The following TLL1 variants were observed in gnomAD, a reference collection of about 807,000 sequenced individuals.
The protein encoded by TLL1 is tolloid-like protein 1.
TLL1 carries 49 observed loss-of-function variants against 128.2 expected under a neutral mutation model. The ratio of observed to expected loss-of-function variants is 0.38; its 90% CI spans 0.30 to 0.48. The LOEUF (loss-of-function observed/expected upper bound fraction) is 0.48. Ranked by LOEUF, TLL1 falls within the 20% of genes least tolerant of loss-of-function variation. TLL1 has a pLI of 0.96. For synonymous variants in TLL1, 454 were observed against 418.8 expected (o/e 1.08, Z -1.03); for missense variants, 1,123 against 1,242.0 (o/e 0.90, Z 1.44).
intron 1 of TLL1, among the ~76,000 whole-genome samples, chr4:165,944,729 G>A (rs1296901216): frequency 1.3e-5 from 2 of 152,026 alleles, no homozygotes; most frequent in Non-Finnish European, 2.9e-5. Flanking sequence ...TCTTGTGGTG[G>A]TGGTTAGTGG....
At chr4:165,951,631 C>T (rs74810514) in intron 1 of TLL1, among the ~76,000 whole-genome samples, 3,179 of 152,198 alleles carry the variant, frequency 0.021, 54 homozygotes, top group Middle Eastern at 0.071. Context: ...ACCCTAATGA[C>T]ATAGTACTTA....
chr4:165,975,364 A>G (rs1244319305), intron 1 of TLL1, among the ~76,000 whole-genome samples: 1 of 152,056 alleles, frequency 6.6e-6, no homozygotes. Context: ...CCATATTTAT[A>G]GGGGCAGTAG....
chr4:165,940,764 G>A (rs752865902), intron 1 of TLL1, among the ~76,000 whole-genome samples: 3 of 151,662 alleles, frequency 2.0e-5, no homozygotes, highest in African/African-American at 7.3e-5. Context: ...TCCTTATACC[G>A]TCAATTTTAT....
intron 18 of TLL1, among the ~76,000 whole-genome samples, chr4:166,084,363 T>C (rs1251822846): frequency 6.6e-6 from 1 of 152,146 alleles, no homozygotes; most frequent in African/African-American, 2.4e-5. Context: ...TTGCTCCCTT[T>C]CCTGTACAGA....
At chr4:166,094,932 C>G (rs920856572) in intron 19 of TLL1, among the ~76,000 whole-genome samples, 1 of 152,070 alleles carries the variant, frequency 6.6e-6, no homozygotes, top group East Asian at 1.9e-4. Flanking sequence ...GGAATCCTGC[C>G]TATTGACAGC....
At chr4:165,931,718 C>CAAAA (rs761214388) in intron 1 of TLL1, among the ~76,000 whole-genome samples, 1 of 133,484 alleles carries the variant, frequency 7.5e-6, no homozygotes, top group Non-Finnish European at 1.6e-5. Context: ...GACTCTGTCT[C>CAAAA]AAAAGAAAAA....
chr4:166,089,702 A>T (rs1741674405), intron 18 of TLL1, among the ~76,000 whole-genome samples: 1 of 152,110 alleles, frequency 6.6e-6, no homozygotes, highest in African/African-American at 2.4e-5. Context: ...TGATCAAATG[A>T]AGTAAGCCTT....
At chr4:165,974,158 T>TTTTTTTTTA in intron 1 of TLL1, among the ~76,000 whole-genome samples, 2 of 122,660 alleles carry the variant, frequency 1.6e-5, no homozygotes, top group Non-Finnish European at 3.1e-5. Flanking sequence ...TTTTTTTTTT[T>TTTTTTTTTA]GAGACGGAGT....
At chr4:165,968,887 T>C (rs1019278608) in intron 1 of TLL1, among the ~76,000 whole-genome samples, 2 of 150,580 alleles carry the variant, frequency 1.3e-5, no homozygotes, top group Non-Finnish European at 2.9e-5. Context: ...ATACTGATTG[T>C]GGTTTAGAAA....
At chr4:165,908,131 C>A (rs1732357878) in intron 1 of TLL1, among the ~76,000 whole-genome samples, 2 of 152,138 alleles carry the variant, frequency 1.3e-5, no homozygotes, top group South Asian at 4.1e-4. Context: ...GATTTTACAG[C>A]AACTTGATAG....
At chr4:165,947,557 G>C (rs1434798314) in intron 1 of TLL1, among the ~76,000 whole-genome samples, 1 of 152,080 alleles carries the variant, frequency 6.6e-6, no homozygotes, top group Admixed American at 6.6e-5. Flanking sequence ...GAGATTCACT[G>C]TCAGCAAAGA....
chr4:165,891,294 A>T (rs1263346528), intron 1 of TLL1, among the ~76,000 whole-genome samples: 2 of 145,452 alleles, frequency 1.4e-5, no homozygotes, highest in Non-Finnish European at 3.0e-5. Flanking sequence ...CTTGTTACTT[A>T]TGCAAATTTC....
intron 18 of TLL1, among the ~76,000 whole-genome samples, chr4:166,088,077 T>C (rs1741605673): frequency 6.6e-6 from 1 of 152,090 alleles, no homozygotes; most frequent in Admixed American, 6.6e-5. Context: ...TTAAGAAAAA[T>C]ATTTAAGTCT....
At chr4:165,946,889 T>A (rs556750195) in intron 1 of TLL1, among the ~76,000 whole-genome samples, 1 of 152,156 alleles carries the variant, frequency 6.6e-6, no homozygotes, top group South Asian at 2.1e-4. Context: ...GATTGGAAAC[T>A]GGAGAAAGAG....
intron 1 of TLL1, among the ~76,000 whole-genome samples, chr4:165,882,632 T>A (rs1579437457): frequency 6.6e-6 from 1 of 152,234 alleles, no homozygotes; most frequent in South Asian, 2.1e-4. Context: ...CTTTCAATTT[T>A]TTTTGAGACG....
At chr4:165,964,006 A>C (rs1383879979) in intron 1 of TLL1, among the ~76,000 whole-genome samples, 1 of 152,214 alleles carries the variant, frequency 6.6e-6, no homozygotes, top group Non-Finnish European at 1.5e-5. Flanking sequence ...GCCATGCTGT[A>C]TACTAGAATC....
chr4:165,905,542 A>T (rs2110861140), intron 1 of TLL1, among the ~76,000 whole-genome samples: 1 of 152,048 alleles, frequency 6.6e-6, no homozygotes, highest in African/African-American at 2.4e-5. Context: ...GGTTATTGTG[A>T]TTTTCTGTTG....
chr4:166,008,243 A>T (rs939018454), intron 7 of TLL1, among the ~76,000 whole-genome samples, 195 bp downstream of exon 7: 16 of 151,576 alleles, frequency 1.1e-4, no homozygotes, highest in African/African-American at 3.9e-4. Context: ...ATATTTTTAA[A>T]TTCTCTACCA....
chr4:166,030,474 T>C, intron 9 of TLL1: 2 of 612,788 alleles, frequency 3.3e-6, no homozygotes, highest in Non-Finnish European at 6.0e-6. Context: ...ACTCTGTTGA[T>C]TGTGTCTTCT....
Sources: allele counts gnomAD v4.1 joint callset (sites outside exome capture counted in the v4.1 genomes callset), GRCh38; gene constraint gnomAD v4.1.1; transcripts MANE v1.5; gene names NCBI Gene and HGNC (gene_info 2026-07-23, HGNC 2026-07-21).